The following CCDC125 variants were observed in gnomAD, a reference collection of about 807,000 sequenced individuals.
CCDC125 encodes the protein coiled-coil domain-containing protein 125.
Under a neutral mutation model 57.4 loss-of-function variants are expected in CCDC125, and 43 were observed. The observed-to-expected ratio is 0.75, with a 90% CI of 0.59 to 0.97. The LOEUF (loss-of-function observed/expected upper bound fraction) is 0.97. Among genes scored for constraint, CCDC125 ranks in the 50% least tolerant of loss-of-function variants. The pLI is 0.00. For missense variants in CCDC125, 563 were observed against 595.7 expected, an observed-to-expected ratio of 0.95 and a Z score of 0.57; for synonymous variants, 187 against 195.2, an observed-to-expected ratio of 0.96 and a Z score of 0.35.
chr5:69,307,430 C>T (rs993173942), intron 5 of CCDC125, among the ~76,000 whole-genome samples: 1 of 151,960 alleles, frequency 6.6e-6, no homozygotes, highest in Non-Finnish European at 1.5e-5. Flanking sequence ...CGCCTGTAAT[C>T]CCAGCACTTT....
chr5:69,327,699 C>G (rs186898021), intron 1 of CCDC125, among the ~76,000 whole-genome samples: 1 of 152,246 alleles, frequency 6.6e-6, no homozygotes, highest in Admixed American at 6.5e-5. Context: ...AGCATAACTA[C>G]TTTATTGGGA....
chr5:69,317,542 C>G (rs1759320799), intron 2 of CCDC125, among the ~76,000 whole-genome samples: 1 of 152,086 alleles, frequency 6.6e-6, no homozygotes, highest in Non-Finnish European at 1.5e-5. Flanking sequence ...TCATGTTGTT[C>G]TAATTTGTGT....
chr5:69,295,624 G>A (rs563202597), intron 8 of CCDC125, among the ~76,000 whole-genome samples: 2 of 152,224 alleles, frequency 1.3e-5, no homozygotes, highest in South Asian at 4.1e-4. Flanking sequence ...TTACAGATTA[G>A]CTGTCTTATC....
At chr5:69,276,974 C>T (rs1184738234), downstream of CCDC125, 6 of 755,588 alleles carry the variant, frequency 7.9e-6, no homozygotes, top group Non-Finnish European at 4.3e-6. Flanking sequence ...AAATGTTTAA[C>T]AAGTGCTACT....
Position 69,282,628 on chromosome 5 carries a change from G to C in CCDC125, c.*101C>G, listed in dbSNP as rs1752592873. ...ACCTCCTAAAATTTAGAAATACCTAGGAAACATACAACTTCTCAAGATGCA... is the reference window on the plus strand; with the variant it reads ...ACCTCCTAAAATTTAGAAATACCTACGAAACATACAACTTCTCAAGATGCA... On this transcript the variant is annotated 3_prime_UTR_variant, in exon 12 of 12. Transcript: ENST00000396496. 6 of 956,048 alleles carry C rather than the reference G, an allele frequency of 6.3e-6. No individual in the cohort carries two copies. The highest frequency in any genetic ancestry group is 9.4e-6 in the Non-Finnish European group (6 of 640,952). 59.2% of individuals were successfully genotyped at this position (956,048 alleles called of 1,614,324 possible).
chr5:69,306,159 C>A (rs13168973), intron 6 of CCDC125, among the ~76,000 whole-genome samples: 64,185 of 150,784 alleles, frequency 0.43, 14,000 homozygotes, highest in Admixed American at 0.46. Context: ...ACTCCTGAAC[C>A]AAAGCAGTCC....
chr5:69,285,388 C>A lies in CCDC125; in HGVS notation c.1179G>T (p.Arg393Ser), dbSNP rs749862055. Residue 393 changes from arginine (R) to serine (S), a missense_variant, in exon 11 of 12, where the codon AGG becomes AGT. Coordinates refer to ENST00000396496, the MANE Select transcript of CCDC125 (RefSeq NM_176816.5). ...GMLPSENSSK[R>S]MEDQDSPQEV... ...CTTGAGGACTGTCCTGGTCTTCCAT[C>A]CTCTTAGAACTGTTTTCTGAAGGGA... is the stretch of plus-strand genomic sequence containing the variant. The A allele has an allele frequency of 9.3e-6, 15 of 1,612,520 alleles. No individual in the cohort carries two copies. Among genetic ancestry groups the A allele is most frequent in the Non-Finnish European group, 1.2e-5 (14 of 1,179,556 alleles).
At position 69,293,521 on chromosome 5, in the gene CCDC125, G is replaced by T. The variant is rs142333522; in HGVS notation, c.925-1159C>A. Reference sequence around the variant, plus strand: ...AAAAATTAACTGGGAGTGGTGGCAGGCGCCTGTAATCCCAGCTACTCAGGA... The same window carrying T: ...AAAAATTAACTGGGAGTGGTGGCAGTCGCCTGTAATCCCAGCTACTCAGGA... On this transcript the variant is annotated intron_variant, in intron 9 of 11. Transcript: ENST00000396496. Among the ~76,000 whole-genome samples, 620 of 151,776 alleles carry T rather than the reference G, an allele frequency of 4.1e-3. 5 individuals are homozygous for T. Among genetic ancestry groups the T allele is most frequent in the African/African-American group, 0.014 (587 of 41,426 alleles).
chr5:69,278,577 T>C (rs1255603816), downstream of CCDC125, among the ~76,000 whole-genome samples: 2 of 152,106 alleles, frequency 1.3e-5, no homozygotes, highest in African/African-American at 2.4e-5. Context: ...CTCTATGAAA[T>C]TGGTGTGTAT....
At chr5:69,296,922 C>T (rs1408054529) in intron 8 of CCDC125, among the ~76,000 whole-genome samples, 2 of 151,838 alleles carry the variant, frequency 1.3e-5, no homozygotes, top group African/African-American at 4.8e-5. Flanking sequence ...TGAGATTGCA[C>T]CATTGTACTC....
chr5:69,285,389 C>A lies in CCDC125; in HGVS notation c.1178G>T (p.Arg393Met). ...GMLPSENSSK[R>M]MEDQDSPQEV... ...TTGAGGACTGTCCTGGTCTTCCATC[C>A]TCTTAGAACTGTTTTCTGAAGGGAG... is the stretch of plus-strand genomic sequence containing the variant. Residue 393 changes from arginine (R) to methionine (M), a missense_variant, in exon 11 of 12, where the codon AGG (arginine) becomes ATG (methionine). Arg to Met is a moderately conservative substitution (Grantham distance 91, BLOSUM62 -1). Transcript: ENST00000396496. 6.2e-7 allele frequency: 1 copy of A among 1,612,790 alleles called. No individual in the cohort carries two copies.
intron 1 of CCDC125, among the ~76,000 whole-genome samples, chr5:69,326,206 T>C (rs1040950249): frequency 3.9e-5 from 6 of 152,168 alleles, no homozygotes; most frequent in Non-Finnish European, 5.9e-5. Flanking sequence ...TTGTATTATT[T>C]GGAGAATTTC....
At chr5:69,293,208 G>A (rs1384544683) in intron 9 of CCDC125, among the ~76,000 whole-genome samples, 3 of 151,956 alleles carry the variant, frequency 2.0e-5, no homozygotes, top group Non-Finnish European at 2.9e-5. Context: ...ATGTGAACAC[G>A]GCTCACTGTA....
chr5:69,294,775 G>A lies in CCDC125; in HGVS notation c.924+18C>T. On this transcript the variant is annotated intron_variant, in intron 9 of 11. Coordinates refer to ENST00000396496, the MANE Select transcript of CCDC125 (RefSeq NM_176816.5). Reference sequence around the variant, plus strand: ...GAGAAACAAAACTAAAGCTTTTGCTGTTGTGATAACGCAATACCTCTTGTT... The same window carrying A: ...GAGAAACAAAACTAAAGCTTTTGCTATTGTGATAACGCAATACCTCTTGTT... 1 of 1,547,052 alleles carries A rather than the reference G, an allele frequency of 6.5e-7. No homozygotes were observed. The highest frequency in any genetic ancestry group is 8.9e-7 in the Non-Finnish European group (1 of 1,126,354).
chr5:69,313,508 C>T (rs1758495149), intron 3 of CCDC125: 7 of 893,552 alleles, frequency 7.8e-6, no homozygotes, highest in Admixed American at 6.8e-5. Context: ...TTGATGGCGT[C>T]CTTGGAGCTG....
At chr5:69,314,293 T>C (rs889751350) in intron 2 of CCDC125, among the ~76,000 whole-genome samples, 16 of 151,720 alleles carry the variant, frequency 1.1e-4, no homozygotes, top group Non-Finnish European at 2.2e-4. Context: ...GGTAAAACCC[T>C]GTCTCTACTA....
At position 69,294,482 on chromosome 5, in the gene CCDC125, G is replaced by T. The variant is rs369596575; in HGVS notation, c.924+311C>A. On this transcript the variant is annotated intron_variant, in intron 9 of 11. Transcript: ENST00000396496. ...GCCACCATGCCTGGCTAGTAGAGACGTGGTTTTACCATGTTGGCCAGGCTG... is the reference window on the plus strand; with the variant it reads ...GCCACCATGCCTGGCTAGTAGAGACTTGGTTTTACCATGTTGGCCAGGCTG... Among the ~76,000 whole-genome samples, 12 of 152,160 alleles carry T rather than the reference G, an allele frequency of 7.9e-5. No individual in the cohort carries two copies. In the East Asian group the frequency reaches 1.5e-3, roughly 20 times the overall value.
chr5:69,276,895 C>G (rs1354358451), downstream of CCDC125, among the ~76,000 whole-genome samples: 3 of 152,158 alleles, frequency 2.0e-5, no homozygotes, highest in African/African-American at 7.2e-5. Context: ...TTGTGTATAC[C>G]TCAGAATTAT....
Position 69,294,872 on chromosome 5 carries a change from T to C in CCDC125, c.845A>G (p.His282Arg), listed in dbSNP as rs766524089. Residue 282 changes from histidine to arginine, a missense_variant, in exon 9 of 12, where the codon CAT (histidine) becomes CGT (arginine). Coordinates refer to ENST00000396496, the MANE Select transcript of CCDC125 (RefSeq NM_176816.5). ...AGAACAGGGGTTCCCTCCGGGCCCATGACAAAGGCAGGCTCCGAGGACCGC... is the reference window on the plus strand; with the variant it reads ...AGAACAGGGGTTCCCTCCGGGCCCACGACAAAGGCAGGCTCCGAGGACCGC... ...ELAVLGACLC[H>R]GPGGNPCSCA... is the part of the protein sequence containing the mutation. 1.9e-6 allele frequency: 3 copies of C among 1,614,020 alleles called. No homozygotes were observed. The highest frequency in any genetic ancestry group is 1.7e-5 in the Admixed American group (1 of 59,960).
Sources: gnomAD v4.1 joint callset for allele counts (sites outside exome capture counted in the v4.1 genomes callset) on GRCh38, gnomAD v4.1.1 for gene constraint, MANE v1.5 for transcripts, NCBI Gene and HGNC (gene_info 2026-07-23, HGNC 2026-07-21) for gene names.